Variants in LRRC18 observed in about 807,000 individuals in gnomAD.
LRRC18 encodes the protein leucine rich repeat containing 18.
In LRRC18, 12 loss-of-function variants were observed where a neutral mutation model predicts 11.2. The ratio of observed to expected loss-of-function variants is 1.07; its 90% CI spans 0.69 to 1.74. The LOEUF is 1.74. Among genes scored for constraint, LRRC18 ranks in the 40% most tolerant of loss-of-function variants. LRRC18 has a pLI of 0.00. For synonymous variants in LRRC18, 155 were observed against 130.6 expected (o/e 1.19, Z -1.27); for missense variants, 374 against 330.5 (o/e 1.13, Z -1.02).
the LRRC18 span, among the ~76,000 whole-genome samples, chr10:48,931,636 GA>G: frequency 6.6e-6 from 1 of 152,328 alleles, no homozygotes; most frequent in East Asian, 1.9e-4. Flanking sequence ...GGTTAGTGGA[GA>G]AAAAGGGTAG....
chr10:48,910,996 G>T (rs769649760), intron 1 of LRRC18: 1 of 718,094 alleles, frequency 1.4e-6, no homozygotes. Flanking sequence ...GGGAGAAATT[G>T]AAATGGAAAG....
chr10:48,928,789 G>A, the LRRC18 span, among the ~76,000 whole-genome samples: 3 of 152,192 alleles, frequency 2.0e-5, no homozygotes, highest in African/African-American at 7.2e-5. Context: ...ACCTGGGAAG[G>A]TGTGAAATGA....
At chr10:48,910,405 G>T in intron 1 of LRRC18, 147 bp from the exon 4 acceptor site, 1 of 726,414 alleles carries the variant, frequency 1.4e-6, no homozygotes. Flanking sequence ...TGTTGTATTT[G>T]AGGAAAGAGA....
chr10:48,923,181 C>G, the LRRC18 span, among the ~76,000 whole-genome samples: 1 of 152,144 alleles, frequency 6.6e-6, no homozygotes, highest in Non-Finnish European at 1.5e-5. Flanking sequence ...AGTTCTGCCC[C>G]TGAAAGGGCA....
chr10:48,927,068 C>T, the LRRC18 span, among the ~76,000 whole-genome samples: 1 of 152,222 alleles, frequency 6.6e-6, no homozygotes, highest in African/African-American at 2.4e-5. Flanking sequence ...CTGCAGGCTG[C>T]TGTAGTGCCC....
At chr10:48,919,056 C>T (rs1417272362), upstream of LRRC18, among the ~76,000 whole-genome samples, 1 of 152,062 alleles carries the variant, frequency 6.6e-6, no homozygotes, top group Admixed American at 6.6e-5. Context: ...TCCACTAACA[C>T]AGACTATATT....
chr10:48,928,529 G>A, the LRRC18 span, among the ~76,000 whole-genome samples: 6 of 152,150 alleles, frequency 3.9e-5, no homozygotes, highest in East Asian at 5.8e-4. Flanking sequence ...CTTATGGACC[G>A]TGACCCCTGC....
rs1451041320 is a variant in LRRC18, at chr10:48,913,302, G to A, written c.764+90C>T. Reference sequence around the variant, plus strand: ...GCTGAAAGAGCTGCTGCAGCCACAGGGGAGCCCTTGGTTTCCTGTGGAGGT... The same window carrying A: ...GCTGAAAGAGCTGCTGCAGCCACAGAGGAGCCCTTGGTTTCCTGTGGAGGT... On this transcript the variant is annotated intron_variant, in intron 1 of 1. Coordinates refer to ENST00000374160, the Ensembl canonical transcript of LRRC18. 3 of 1,247,200 alleles carry A rather than the reference G, an allele frequency of 2.4e-6. No individual in the cohort carries two copies. The Admixed American group carries it at 6.6e-5, about 27-fold the overall frequency. 77.3% of individuals were successfully genotyped at this position (1,247,200 alleles called of 1,614,324 possible). A position where few individuals can be genotyped will look rare whatever the true frequency, so the allele number is the denominator to read the frequency against.
chr10:48,932,147 G>A, the LRRC18 span, among the ~76,000 whole-genome samples: 4 of 152,222 alleles, frequency 2.6e-5, no homozygotes, highest in African/African-American at 9.7e-5. Context: ...AAGAGTGAAT[G>A]AGGTGATAAA....
the LRRC18 span, among the ~76,000 whole-genome samples, chr10:48,921,608 A>G: frequency 0.077 from 355 of 4,608 alleles, 1 homozygote; most frequent in African/African-American, 0.11. Flanking sequence ...GCTCTGTGGA[A>G]AAAAAAAACG....
At chr10:48,914,328 A>C (rs763864759), upstream of LRRC18, 10 of 704,082 alleles carry the variant, frequency 1.4e-5, no homozygotes, top group Non-Finnish European at 2.3e-5. Flanking sequence ...TTTAAAAAGC[A>C]AGAAAGAGGA....
chr10:48,919,930 C>T, the LRRC18 span, among the ~76,000 whole-genome samples: 1 of 152,080 alleles, frequency 6.6e-6, no homozygotes, highest in Non-Finnish European at 1.5e-5. Flanking sequence ...TACCCTGATG[C>T]TAAAATCACA....
upstream of LRRC18, among the ~76,000 whole-genome samples, chr10:48,916,360 G>C (rs1838531276): frequency 6.6e-6 from 1 of 152,264 alleles, no homozygotes; most frequent in Non-Finnish European, 1.5e-5. Flanking sequence ...AATCTGTTTG[G>C]TGTTCTGTTT....
rs190313969 is a variant in LRRC18, at chr10:48,911,873, G to T, written c.764+1519C>A. Among the ~76,000 whole-genome samples the T allele has an allele frequency of 2.6e-5, 4 of 152,204 alleles. No individual in the cohort carries two copies. The East Asian group carries it at 5.8e-4, about 22-fold the overall frequency. On this transcript the variant is annotated intron_variant, in intron 1 of 1. Transcript: ENST00000374160. Reference sequence around the variant, plus strand: ...CCCAAGGTTTTAGAAATATGATAGGGTTGTCATAGCTAAGCATTACAAGAG... The same window carrying T: ...CCCAAGGTTTTAGAAATATGATAGGTTTGTCATAGCTAAGCATTACAAGAG...
upstream of LRRC18, among the ~76,000 whole-genome samples, chr10:48,915,102 A>C (rs1838391404): frequency 6.6e-6 from 1 of 152,162 alleles, no homozygotes; most frequent in African/African-American, 2.4e-5. Context: ...TTAAATTCCC[A>C]GTGCTTGTGT....
exon 1 of LRRC18, chr10:48,913,747 G>A (rs1838233235): frequency 1.2e-6 from 2 of 1,613,686 alleles, no homozygotes; most frequent in Admixed American, 1.7e-5. Flanking sequence ...AGTGTGGTGG[G>A]CACGCTGTCC....
the LRRC18 span, among the ~76,000 whole-genome samples, chr10:48,925,511 A>G: frequency 2.1e-3 from 323 of 152,314 alleles, 2 homozygotes; most frequent in African/African-American, 7.5e-3. Context: ...CTGCAGTGTT[A>G]CCTAGATTTA....
upstream of LRRC18, among the ~76,000 whole-genome samples, chr10:48,918,435 G>A (rs1222650581): frequency 1.3e-5 from 2 of 152,172 alleles, no homozygotes; most frequent in African/African-American, 4.8e-5. Context: ...CTTTATTAAT[G>A]TCAGATAAAG....
intron 1 of LRRC18, 135 bp from the exon 4 acceptor site, chr10:48,910,393 T>G: frequency 1.3e-6 from 1 of 753,532 alleles, no homozygotes; most frequent in Non-Finnish European, 2.4e-6. Flanking sequence ...GAATGGGGGT[T>G]TTGTTGTATT....
Sources: gnomAD v4.1 joint callset for allele counts (sites outside exome capture counted in the v4.1 genomes callset) on GRCh38, gnomAD v4.1.1 for gene constraint, MANE v1.5 for transcripts, NCBI Gene and HGNC (gene_info 2026-07-23, HGNC 2026-07-21) for gene names.